ADAT1: variants seen among roughly 807,000 people sequenced by gnomAD.
ADAT1 encodes tRNA-specific adenosine deaminase 1.
ADAT1 carries 58 observed loss-of-function variants against 58.6 expected under a neutral mutation model. That is an observed-to-expected ratio of 0.99 (90% CI 0.80 to 1.23). ADAT1 has a LOEUF of 1.23. Ranked by LOEUF, ADAT1 falls within the 50% of genes most tolerant of loss-of-function variation. The pLI is 0.00. For missense variants in ADAT1, 741 were observed against 608.6 expected, an observed-to-expected ratio of 1.22 and a Z score of -2.29; for synonymous variants, 254 against 220.8, an observed-to-expected ratio of 1.15 and a Z score of -1.33.
Position 75,597,550 on chromosome 16 carries a change from C to T in ADAT1, c.*2666G>A, listed in dbSNP as rs550405458. 2.0e-5 allele frequency among the ~76,000 whole-genome samples: 3 copies of T among 152,170 alleles called. No individual in the cohort carries two copies. Among genetic ancestry groups the T allele is most frequent in the Non-Finnish European group, 2.9e-5 (2 of 68,028 alleles). Reference sequence around the variant, plus strand: ...CGGGGTGGGGATAGGGGGATAGTTTCGGGATGACTGAAGTGAATTACATTT... The same window carrying T: ...CGGGGTGGGGATAGGGGGATAGTTTTGGGATGACTGAAGTGAATTACATTT... On this transcript the variant is annotated 3_prime_UTR_variant, in exon 10 of 10. Transcript: ENST00000564657.
chr16:75,620,280 T>C lies in ADAT1; in HGVS notation c.224A>G (p.Lys75Arg). 2 of 1,614,170 alleles carry C rather than the reference T, an allele frequency of 1.2e-6. No homozygotes were observed. The highest frequency in any genetic ancestry group is 8.5e-7 in the Non-Finnish European group (1 of 1,179,998). ...GTGTKCIGQSKMRKNGDILND... is the reference protein window; with the variant it reads ...GTGTKCIGQSRMRKNGDILND... ...CCCGTGCTTACCGTTCTTCCTCATT[T>C]TGGACTGTCCTATGCATTTTGTTCC... Residue 75 changes from lysine (K) to arginine (R), a missense_variant, in exon 3 of 10, where the codon AAA (lysine) becomes AGA (arginine). By Grantham distance (26) the Lys-to-Arg change is conservative. Coordinates refer to ENST00000564657, the MANE Select transcript of ADAT1 (RefSeq NM_001324445.2).
chr16:75,597,551 G>A lies in ADAT1; in HGVS notation c.*2665C>T, dbSNP rs1258857282. On this transcript the variant is annotated 3_prime_UTR_variant, in exon 10 of 10. Coordinates refer to ENST00000564657, the MANE Select transcript of ADAT1 (RefSeq NM_001324445.2). ...GGGGTGGGGATAGGGGGATAGTTTC[G>A]GGATGACTGAAGTGAATTACATTTA... is the stretch of plus-strand genomic sequence containing the variant. 1.3e-5 allele frequency among the ~76,000 whole-genome samples: 2 copies of A among 152,120 alleles called. No individual in the cohort carries two copies. The highest frequency in any genetic ancestry group is 4.8e-5 in the African/African-American group (2 of 41,428).
Position 75,620,937 on chromosome 16 carries a change from C to A in ADAT1, c.-21-117G>T, listed in dbSNP as rs148836756. 3.9e-4 allele frequency: 308 copies of A among 781,558 alleles called. 1 individual carries two copies. The African/African-American group carries it at 4.8e-3, about 12-fold the overall frequency. The allele number at this position is 781,558 out of a possible 1,614,324, so 48.4% of individuals were successfully genotyped here. Reference sequence around the variant, plus strand: ...ATGGAGCAGACCGAGGTTTCCCTATCTGGAACTCTATGGATCATTTTCTTC... The same window carrying A: ...ATGGAGCAGACCGAGGTTTCCCTATATGGAACTCTATGGATCATTTTCTTC... On this transcript the variant is annotated intron_variant, in intron 1 of 9. Transcript: ENST00000564657.
Position 75,599,993 on chromosome 16 carries a change from G to T in ADAT1, c.*223C>A, listed in dbSNP as rs1437655148. Reference sequence around the variant, plus strand: ...AGAGAAGCAATAAAACACAATGGAAGTCAGATAGTGAGGTCATTAGTGAGA... The same window carrying T: ...AGAGAAGCAATAAAACACAATGGAATTCAGATAGTGAGGTCATTAGTGAGA... On this transcript the variant is annotated 3_prime_UTR_variant, in exon 10 of 10. Coordinates refer to ENST00000564657, the MANE Select transcript of ADAT1 (RefSeq NM_001324445.2). 7.7e-7 allele frequency: 1 copy of T among 1,293,196 alleles called. No homozygotes were observed. Among genetic ancestry groups the T allele is most frequent in the Admixed American group, 3.6e-5 (1 of 27,600 alleles). 80.1% of individuals were successfully genotyped at this position (1,293,196 alleles called of 1,614,324 possible).
At chr16:75,620,901 G>A (rs549310050) in intron 1 of ADAT1, 81 bp from the exon 2 acceptor site, 5 of 1,250,696 alleles carry the variant, frequency 4.0e-6, no homozygotes, top group Non-Finnish European at 5.4e-6. Context: ...TCCATGCTTC[G>A]AGTCTTTCAA....
Position 75,612,995 on chromosome 16 carries a change from C to G in ADAT1, c.425-134G>C, listed in dbSNP as rs997692144. 2.4e-5 allele frequency: 27 copies of G among 1,102,348 alleles called. No homozygotes were observed. The African/African-American group carries it at 4.1e-4, about 17-fold the overall frequency. 68.3% of individuals were successfully genotyped at this position (1,102,348 alleles called of 1,614,324 possible). Reference sequence around the variant, plus strand: ...CAGTAGACCTGCTGAATCAGAAACTCCGGAGGCAGAGCCCAGCAGTGTGTT... The same window carrying G: ...CAGTAGACCTGCTGAATCAGAAACTGCGGAGGCAGAGCCCAGCAGTGTGTT... On this transcript the variant is annotated intron_variant, in intron 5 of 9. Coordinates refer to ENST00000564657, the MANE Select transcript of ADAT1 (RefSeq NM_001324445.2).
intron 4 of ADAT1, among the ~76,000 whole-genome samples, chr16:75,618,196 C>G (rs2081802199): frequency 6.6e-6 from 1 of 150,960 alleles, no homozygotes; most frequent in Non-Finnish European, 1.5e-5. Context: ...TCTGTATTAC[C>G]TAGGAGCTTA....
At chr16:75,621,820 G>C (rs1305931325) in intron 1 of ADAT1, among the ~76,000 whole-genome samples, 4 of 150,162 alleles carry the variant, frequency 2.7e-5, no homozygotes, top group African/African-American at 1.0e-4. Context: ...GGCACATCCT[G>C]ATCTCATTTG....
chr16:75,615,096 G>A (rs562042208), intron 5 of ADAT1, among the ~76,000 whole-genome samples: 4 of 151,644 alleles, frequency 2.6e-5, no homozygotes, highest in African/African-American at 7.3e-5. Context: ...GCGTGGTGGC[G>A]CATGCCTATA....
At chr16:75,620,149 G>A (rs1028019503) in intron 3 of ADAT1, 117 bp downstream of exon 3, 6 of 987,070 alleles carry the variant, frequency 6.1e-6, no homozygotes, top group Non-Finnish European at 9.6e-6. Flanking sequence ...CTGATAGTCA[G>A]TAGGAAACAA....
chr16:75,603,209 G>A, intron 8 of ADAT1, 38 bp from the exon 9 acceptor site: 2 of 1,559,848 alleles, frequency 1.3e-6, no homozygotes, highest in South Asian at 2.2e-5. Context: ...TTTATTAAGT[G>A]TTTAGTATGT....
intron 8 of ADAT1, among the ~76,000 whole-genome samples, chr16:75,606,582 C>A (rs374068355): frequency 5.9e-5 from 9 of 152,312 alleles, no homozygotes; most frequent in African/African-American, 2.2e-4. Flanking sequence ...ACAGCTGACA[C>A]TGATCTGTCA....
At position 75,599,176 on chromosome 16, in the gene ADAT1, G is replaced by A. The variant is rs2081156811; in HGVS notation, c.*1040C>T. 3.2e-6 allele frequency: 3 copies of A among 943,310 alleles called. No individual in the cohort carries two copies. The highest frequency in any genetic ancestry group is 3.8e-6 in the Non-Finnish European group (3 of 793,690). 58.4% of individuals were successfully genotyped at this position (943,310 alleles called of 1,614,324 possible). On this transcript the variant is annotated 3_prime_UTR_variant, in exon 10 of 10. Transcript: ENST00000564657. ...TGCTCACCACTACCTCCGCCTCCTG[G>A]GTTCAAGCAATTCTCCTGCCTCAGC...
At position 75,598,559 on chromosome 16, in the gene ADAT1, C is replaced by T. The variant is rs951335435; in HGVS notation, c.*1657G>A. Among the ~76,000 whole-genome samples the T allele has an allele frequency of 1.3e-5, 2 of 150,280 alleles. No homozygotes were observed. The highest frequency in any genetic ancestry group is 2.5e-5 in the African/African-American group (1 of 40,686). On this transcript the variant is annotated 3_prime_UTR_variant, in exon 10 of 10. Transcript: ENST00000564657. ...TTTGAGACAGGATCTCACTCTGTCACCCAGGCTGGAGTGCAATGGCATGAT... is the reference window on the plus strand; with the variant it reads ...TTTGAGACAGGATCTCACTCTGTCATCCAGGCTGGAGTGCAATGGCATGAT...
chr16:75,613,234 T>C (rs1229877861), intron 5 of ADAT1, among the ~76,000 whole-genome samples: 1 of 152,180 alleles, frequency 6.6e-6, no homozygotes, highest in Non-Finnish European at 1.5e-5. Context: ...TTAACAAAGA[T>C]CTGAGCTAAT....
chr16:75,618,784 G>T (rs905577135), intron 3 of ADAT1, 144 bp from the exon 4 acceptor site: 2 of 878,696 alleles, frequency 2.3e-6, no homozygotes, highest in African/African-American at 1.7e-5. Flanking sequence ...CCACAATCAT[G>T]AATAACAATG....
chr16:75,607,898 T>G (rs1275586809), intron 8 of ADAT1, among the ~76,000 whole-genome samples: 1 of 152,182 alleles, frequency 6.6e-6, no homozygotes, highest in African/African-American at 2.4e-5. Context: ...GGGATATTAT[T>G]CAAGTCATGA....
chr16:75,612,948 A>C lies in ADAT1; in HGVS notation c.425-87T>G, dbSNP rs907297893. 1.8e-5 allele frequency: 27 copies of C among 1,492,708 alleles called. No homozygotes were observed. In the African/African-American group the frequency reaches 2.8e-4, roughly 16 times the overall value. The allele number at this position is 1,492,708 out of a possible 1,614,324, so 92.5% of individuals were successfully genotyped here. ...ATGGGATCTCTTGGGAATTCATCAG[A>C]AATGCAAACTCTTGGGACCCACAGT... On this transcript the variant is annotated intron_variant, in intron 5 of 9. Transcript: ENST00000564657.
intron 9 of ADAT1, 57 bp downstream of exon 9, chr16:75,603,028 C>T: frequency 6.6e-7 from 1 of 1,518,468 alleles, no homozygotes; most frequent in South Asian, 1.1e-5. Flanking sequence ...TACTCAGAAG[C>T]CAGAATCAAA....
Sources: gnomAD v4.1 joint callset for allele counts (sites outside exome capture counted in the v4.1 genomes callset) on GRCh38, gnomAD v4.1.1 for gene constraint, MANE v1.5 for transcripts, NCBI Gene and HGNC (gene_info 2026-07-23, HGNC 2026-07-21) for gene names.